H4C16: variants seen among roughly 807,000 people sequenced by gnomAD.
H4C16 encodes the protein histone H4.
At chr12:14,771,063 C>T in the H4C16 span, 4 of 1,605,644 alleles carry the variant, frequency 2.5e-6, no homozygotes, top group Admixed American at 1.7e-5. Context: ...AGCCCCTTGC[C>T]ACCTTTACCT....
At chr12:14,770,774 C>T in the H4C16 span, 15 of 1,607,664 alleles carry the variant, frequency 9.3e-6, no homozygotes, top group Middle Eastern at 8.3e-4. Flanking sequence ...GGGGACAGCT[C>T]AACCGCCGAA....
the H4C16 span, chr12:14,771,074 C>A: frequency 6.3e-7 from 1 of 1,591,838 alleles, no homozygotes; most frequent in Non-Finnish European, 8.6e-7. Context: ...ACCTTTACCT[C>A]GCCCAGACAT....
At chr12:14,771,015 G>C in the H4C16 span, 1 of 1,614,052 alleles carries the variant, frequency 6.2e-7, no homozygotes, top group South Asian at 1.1e-5. Context: ...ATATTGTCCC[G>C]CAGCACCTTC....
the H4C16 span, chr12:14,770,934 T>C: frequency 6.2e-7 from 1 of 1,614,206 alleles, no homozygotes; most frequent in Non-Finnish European, 8.5e-7. Flanking sequence ...TCCTCGTAGA[T>C]GAGACCAGAA....
the H4C16 span, chr12:14,771,098 C>T: frequency 1.9e-6 from 3 of 1,572,316 alleles, no homozygotes; most frequent in Admixed American, 1.8e-5. Flanking sequence ...GAAATCACAG[C>T]GCCTACTCAG....
At chr12:14,771,128 C>T in the H4C16 span, 1 of 1,536,762 alleles carries the variant, frequency 6.5e-7, no homozygotes, top group Non-Finnish European at 8.8e-7. Flanking sequence ...GGGCTGCCCA[C>T]TGTGATTGCC....
At chr12:14,770,939 C>A in the H4C16 span, 1 of 1,614,094 alleles carries the variant, frequency 6.2e-7, no homozygotes, top group East Asian at 2.2e-5. Context: ...GTAGATGAGA[C>A]CAGAAATGCG....
At chr12:14,770,749 CTG>C in the H4C16 span, 1 of 1,584,404 alleles carries the variant, frequency 6.3e-7, no homozygotes, top group Non-Finnish European at 8.6e-7. Context: ...CTTTTGGAGT[CTG>C]TAGAGAAGCT....
the H4C16 span, chr12:14,770,898 G>A: frequency 1.9e-6 from 3 of 1,614,070 alleles, no homozygotes; most frequent in East Asian, 2.2e-5. Context: ...ACGTTCTCCA[G>A]GAAGACTTTG....
At chr12:14,770,722 G>C in the H4C16 span, 1 of 1,522,616 alleles carries the variant, frequency 6.6e-7, no homozygotes, top group South Asian at 1.3e-5. Flanking sequence ...TGACAGTTTG[G>C]GGGCCCTGAA....
At chr12:14,770,969 G>A in the H4C16 span, 2 of 1,614,106 alleles carry the variant, frequency 1.2e-6, no homozygotes, top group African/African-American at 1.3e-5. Flanking sequence ...CCCACGTCGG[G>A]CGAGACGGCG....
At chr12:14,771,098 C>A in the H4C16 span, 46 of 1,572,432 alleles carry the variant, frequency 2.9e-5, no homozygotes, top group Non-Finnish European at 3.5e-5. Context: ...GAAATCACAG[C>A]GCCTACTCAG....
chr12:14,771,112 A>T, the H4C16 span: 3 of 1,560,882 alleles, frequency 1.9e-6, no homozygotes, highest in South Asian at 3.6e-5. Flanking sequence ...TACTCAGCAG[A>T]AAATCGGGCT....
At chr12:14,770,761 T>A in the H4C16 span, 1 of 1,601,822 alleles carries the variant, frequency 6.2e-7, no homozygotes, top group Non-Finnish European at 8.5e-7. Flanking sequence ...GTAGAGAAGC[T>A]GTGGGGACAG....
the H4C16 span, chr12:14,771,091 A>G: frequency 4.4e-6 from 7 of 1,583,062 alleles, no homozygotes; most frequent in Admixed American, 1.8e-5. Flanking sequence ...ACATTCTGAA[A>G]TCACAGCGCC....
the H4C16 span, chr12:14,771,036 T>A: frequency 6.2e-7 from 1 of 1,613,216 alleles, no homozygotes; most frequent in Non-Finnish European, 8.5e-7. Flanking sequence ...CGGTGGCGCT[T>A]GGCGCCTCCC....
chr12:14,771,106 C>G, the H4C16 span: 14 of 1,566,712 alleles, frequency 8.9e-6, no homozygotes, highest in Middle Eastern at 1.7e-4. Flanking sequence ...AGCGCCTACT[C>G]AGCAGAAAAT....
chr12:14,771,071 C>T, the H4C16 span: 11 of 1,600,102 alleles, frequency 6.9e-6, no homozygotes, highest in East Asian at 4.5e-5. Context: ...GCCACCTTTA[C>T]CTCGCCCAGA....
chr12:14,770,959 C>T, the H4C16 span: 2 of 1,614,208 alleles, frequency 1.2e-6, no homozygotes, highest in East Asian at 4.5e-5. Context: ...GCTTGACGCC[C>T]CCACGTCGGG....
Sources: allele counts gnomAD v4.1 joint callset, GRCh38; gene constraint gnomAD v4.1.1; transcripts MANE v1.5; gene names NCBI Gene and HGNC (gene_info 2026-07-23, HGNC 2026-07-21).